The following SLCO6A1 variants were observed in gnomAD, a reference collection of about 807,000 sequenced individuals.
SLCO6A1 encodes solute carrier organic anion transporter family member 6A1.
In SLCO6A1, 65 loss-of-function variants were observed where a neutral mutation model predicts 72.7. That is an observed-to-expected ratio of 0.89 (90% CI 0.73 to 1.10). The LOEUF (loss-of-function observed/expected upper bound fraction) is 1.10, where lower values mean the gene tolerates loss of function less well. SLCO6A1 is among the 50% of genes least tolerant of loss of function. The probability of loss-of-function intolerance (pLI) is 0.00; values close to 1 mark genes in which losing one functional copy is unlikely to be tolerated. For synonymous variants in SLCO6A1, 314 were observed against 298.2 expected (o/e 1.05, Z -0.55); for missense variants, 874 against 872.6 (o/e 1.00, Z -0.02).
chr5:102,373,677 T>C (rs1443936116), intron 12 of SLCO6A1, among the ~76,000 whole-genome samples, 183 bp from the exon 13 acceptor site: 2 of 141,710 alleles, frequency 1.4e-5, no homozygotes, highest in Non-Finnish European at 1.6e-5. Context: ...TTTTTAAATG[T>C]TTATAATATG....
intron 10 of SLCO6A1, among the ~76,000 whole-genome samples, chr5:102,391,586 C>A (rs149362033): frequency 8.7e-4 from 133 of 152,002 alleles, no homozygotes; most frequent in African/African-American, 3.0e-3. Flanking sequence ...CCCAGGGTGA[C>A]AGTGTTCCAT....
intron 4 of SLCO6A1, among the ~76,000 whole-genome samples, chr5:102,467,657 A>G (rs1751380031): frequency 6.6e-6 from 1 of 151,966 alleles, no homozygotes; most frequent in Admixed American, 6.6e-5. Context: ...GTTCTTTTGC[A>G]TTTGTGTGGT....
At chr5:102,392,164 T>C (rs72779945) in intron 10 of SLCO6A1, among the ~76,000 whole-genome samples, 32,408 of 151,968 alleles carry the variant, frequency 0.21, 4,545 homozygotes, top group Non-Finnish European at 0.28. Flanking sequence ...TGTAATATTT[T>C]GCAAAAAGTG....
intron 1 of SLCO6A1, among the ~76,000 whole-genome samples, chr5:102,490,180 G>A (rs927258328): frequency 2.0e-5 from 3 of 151,926 alleles, no homozygotes; most frequent in African/African-American, 7.2e-5. Context: ...TGCACAGTAG[G>A]GTGACTAGAG....
intron 1 of SLCO6A1, among the ~76,000 whole-genome samples, chr5:102,487,296 A>G (rs1373355008): frequency 6.6e-6 from 1 of 152,346 alleles, no homozygotes; most frequent in Non-Finnish European, 1.5e-5. Flanking sequence ...TTTGATAAAT[A>G]GTAAATGTAA....
intron 4 of SLCO6A1, among the ~76,000 whole-genome samples, chr5:102,465,140 C>T (rs142039696): frequency 6.6e-6 from 1 of 152,192 alleles, no homozygotes; most frequent in East Asian, 1.9e-4. Flanking sequence ...TTGTTAGTGT[C>T]CCATTTGTAT....
At chr5:102,400,424 A>G (rs1052973065) in intron 9 of SLCO6A1, among the ~76,000 whole-genome samples, 1 of 152,064 alleles carries the variant, frequency 6.6e-6, no homozygotes, top group Non-Finnish European at 1.5e-5. Context: ...AGTGAAGAAA[A>G]GAGAGCACGA....
At chr5:102,465,041 C>T (rs1751241256) in intron 4 of SLCO6A1, among the ~76,000 whole-genome samples, 1 of 152,006 alleles carries the variant, frequency 6.6e-6, no homozygotes, top group Non-Finnish European at 1.5e-5. Context: ...GATAACTACA[C>T]CAAATCCTGT....
intron 10 of SLCO6A1, among the ~76,000 whole-genome samples, chr5:102,395,924 T>G (rs926897858): frequency 4.6e-5 from 7 of 152,172 alleles, no homozygotes; most frequent in East Asian, 1.9e-4. Context: ...GGAGTTCATT[T>G]TAGATTCTGG....
intron 11 of SLCO6A1, among the ~76,000 whole-genome samples, chr5:102,389,710 C>G (rs1580338461): frequency 6.6e-6 from 1 of 151,974 alleles, no homozygotes; most frequent in Non-Finnish European, 1.5e-5. Context: ...ATCCATCATA[C>G]ATCTTTGTAA....
At chr5:102,406,716 A>G (rs1747688488) in intron 9 of SLCO6A1, among the ~76,000 whole-genome samples, 1 of 152,196 alleles carries the variant, frequency 6.6e-6, no homozygotes, top group Non-Finnish European at 1.5e-5. Context: ...AGCTTAAATT[A>G]TGTAGAATTT....
At chr5:102,410,460 T>G (rs549439282) in intron 9 of SLCO6A1, among the ~76,000 whole-genome samples, 202 of 152,252 alleles carry the variant, frequency 1.3e-3, no homozygotes, top group Non-Finnish European at 2.3e-3. Context: ...TCTCTCCCAT[T>G]CACGAAGACT....
intron 2 of SLCO6A1, among the ~76,000 whole-genome samples, chr5:102,478,333 T>G (rs1372644874): frequency 2.0e-5 from 3 of 152,176 alleles, no homozygotes; most frequent in African/African-American, 7.2e-5. Flanking sequence ...TGGCATCTAG[T>G]TCCCCTGACT....
chr5:102,431,139 T>C (rs987473189), intron 7 of SLCO6A1, among the ~76,000 whole-genome samples: 2 of 152,126 alleles, frequency 1.3e-5, no homozygotes, highest in Non-Finnish European at 2.9e-5. Flanking sequence ...TCAGTGGTAA[T>C]ATCCTCCTTA....
chr5:102,380,746 T>G (rs1301168966), intron 12 of SLCO6A1, among the ~76,000 whole-genome samples: 1 of 152,026 alleles, frequency 6.6e-6, no homozygotes, highest in Non-Finnish European at 1.5e-5. Flanking sequence ...TGTAATTGAA[T>G]TGAATTTCAG....
chr5:102,485,884 G>A (rs1418400085), intron 1 of SLCO6A1, among the ~76,000 whole-genome samples: 2 of 152,292 alleles, frequency 1.3e-5, no homozygotes, highest in Non-Finnish European at 2.9e-5. Flanking sequence ...CTATTGACAT[G>A]TCACTGTAGA....
At chr5:102,484,505 CA>C (rs1752353237) in intron 1 of SLCO6A1, among the ~76,000 whole-genome samples, 1 of 151,924 alleles carries the variant, frequency 6.6e-6, no homozygotes, top group African/African-American at 2.4e-5. Context: ...AAAAATTAGC[CA>C]GGCGTGGTGG....
chr5:102,476,876 A>G (rs749364041), intron 3 of SLCO6A1, among the ~76,000 whole-genome samples: 3 of 152,022 alleles, frequency 2.0e-5, no homozygotes, highest in Non-Finnish European at 2.9e-5. Context: ...TTTATTTTCA[A>G]AAGTGATAGT....
chr5:102,403,622 G>A (rs57961535), intron 9 of SLCO6A1, among the ~76,000 whole-genome samples: 3,553 of 152,144 alleles, frequency 0.023, 98 homozygotes, highest in African/African-American at 0.068. Flanking sequence ...TTCTGAATAT[G>A]AGCACAAGGT....
Sources: gnomAD v4.1 joint callset for allele counts (sites outside exome capture counted in the v4.1 genomes callset) on GRCh38, gnomAD v4.1.1 for gene constraint, MANE v1.5 for transcripts, NCBI Gene and HGNC (gene_info 2026-07-23, HGNC 2026-07-21) for gene names.